RYR2: variants seen among roughly 807,000 people sequenced by gnomAD.
RYR2 encodes the protein ryanodine receptor 2, also known as cardiac muscle ryanodine receptor-calcium release channel.
In RYR2, 227 loss-of-function variants were observed where a neutral mutation model predicts 601.1. The ratio of observed to expected loss-of-function variants is 0.38; its 90% confidence interval spans 0.34 to 0.42. The LOEUF is 0.42. Ranked by LOEUF, RYR2 falls within the 10% of genes least tolerant of loss-of-function variation. The pLI, the probability that RYR2 is intolerant of heterozygous loss-of-function variation, is 1.00. For synonymous variants in RYR2, 2,223 were observed against 2,175.1 expected, an observed-to-expected ratio of 1.02 and a Z score of -0.61; for missense variants, 4,646 against 6,156.5, an observed-to-expected ratio of 0.75 and a Z score of 8.21.
At chr1:237,300,582 T>C (rs773294726) in intron 2 of RYR2, among the ~76,000 whole-genome samples, 2 of 152,198 alleles carry the variant, frequency 1.3e-5, no homozygotes, top group Non-Finnish European at 2.9e-5. Context: ...TGATCCTGTA[T>C]ACTTGCTGAC....
chr1:237,258,072 G>C lies in RYR2; in HGVS notation c.49-12425G>C, dbSNP rs370993092. ...AATCCCAGCTACTCGAGAGGCTGAG[G>C]CAGGAGAATCCCTTGAACCCAGGAG... is the stretch of plus-strand genomic sequence containing the variant. On this transcript the variant is annotated intron_variant, in intron 1 of 104. Transcript: ENST00000366574. 2.4e-4 allele frequency among the ~76,000 whole-genome samples: 36 copies of C among 151,606 alleles called. No individual in the cohort carries two copies. The South Asian group carries it at 7.5e-3, about 32-fold the overall frequency.
intron 2 of RYR2, among the ~76,000 whole-genome samples, chr1:237,299,916 A>C (rs1693185302): frequency 6.6e-6 from 1 of 152,148 alleles, no homozygotes; most frequent in African/African-American, 2.4e-5. Context: ...TTTAGAAAAT[A>C]ATTTCCTTTG....
chr1:237,742,956 G>A (rs541564870), intron 80 of RYR2, among the ~76,000 whole-genome samples: 77 of 152,264 alleles, frequency 5.1e-4, no homozygotes, highest in African/African-American at 1.8e-3. Flanking sequence ...TAGCCCAAAG[G>A]AAAGTTAATA....
chr1:237,388,203 G>A lies in RYR2; in HGVS notation c.773+20G>A. On this transcript the variant is annotated intron_variant, in intron 10 of 104. Coordinates refer to ENST00000366574, the MANE Select transcript of RYR2 (RefSeq NM_001035.3). ...GCGGAGGTTAGTACCTGAGCTCATT[G>A]CATTGAGACTTGCACTCTTTTGCCT... 6.3e-7 allele frequency: 1 copy of A among 1,597,006 alleles called. No homozygotes were observed. Among genetic ancestry groups the A allele is most frequent in the Non-Finnish European group, 8.6e-7 (1 of 1,165,694 alleles).
intron 1 of RYR2, among the ~76,000 whole-genome samples, chr1:237,206,543 T>C (rs907417126): frequency 1.3e-5 from 2 of 152,232 alleles, no homozygotes; most frequent in African/African-American, 4.8e-5. Context: ...TCAAATTACA[T>C]CCCTATACAT....
chr1:237,074,695 C>T (rs1299745396), intron 1 of RYR2, among the ~76,000 whole-genome samples: 4 of 152,182 alleles, frequency 2.6e-5, no homozygotes, highest in Non-Finnish European at 5.9e-5. Context: ...CAAGATGGCC[C>T]TTTGGCTTAG....
chr1:237,096,683 T>C (rs1332819951), intron 1 of RYR2, among the ~76,000 whole-genome samples: 1 of 152,208 alleles, frequency 6.6e-6, no homozygotes. Context: ...AGAAAAAAAT[T>C]TGAAGATACT....
chr1:237,456,775 A>G (rs777142810), intron 16 of RYR2, 40 bp downstream of exon 16: 14 of 1,606,790 alleles, frequency 8.7e-6, no homozygotes, highest in Non-Finnish European at 1.2e-5. Flanking sequence ...AGAGTTATCT[A>G]TTTAAAATGT....
At chr1:237,058,036 G>A (rs1427510065) in intron 1 of RYR2, among the ~76,000 whole-genome samples, 1 of 152,206 alleles carries the variant, frequency 6.6e-6, no homozygotes, top group African/African-American at 2.4e-5. Flanking sequence ...GTTTGGTGAT[G>A]AAATAATCCA....
At position 237,435,861 on chromosome 1, in the gene RYR2, G is replaced by A. The variant is rs1238215108; in HGVS notation, c.1006-5458G>A. Among the ~76,000 whole-genome samples, 4 of 152,106 alleles carry A rather than the reference G, an allele frequency of 2.6e-5. 1 individual carries two copies. On this transcript the variant is annotated intron_variant, in intron 12 of 104. Coordinates refer to ENST00000366574, the MANE Select transcript of RYR2 (RefSeq NM_001035.3). ...CCAGTGGAGATATGTATATATTAAGGCATTTATTATATAGGTTTGCTTAAT... is the reference window on the plus strand; with the variant it reads ...CCAGTGGAGATATGTATATATTAAGACATTTATTATATAGGTTTGCTTAAT...
At chr1:237,382,537 C>A (rs1295258835) in intron 8 of RYR2, among the ~76,000 whole-genome samples, 2 of 132,042 alleles carry the variant, frequency 1.5e-5, no homozygotes, top group African/African-American at 5.6e-5. Context: ...TCCCCCCACC[C>A]CACAACAGGC....
chr1:237,519,622 A>G (rs1308466541), intron 24 of RYR2, among the ~76,000 whole-genome samples: 2 of 152,070 alleles, frequency 1.3e-5, no homozygotes, highest in Non-Finnish European at 2.9e-5. Flanking sequence ...TGGGTTCTCT[A>G]TTCTGTTCCA....
At chr1:237,227,737 C>T (rs914963441) in intron 1 of RYR2, among the ~76,000 whole-genome samples, 5 of 152,240 alleles carry the variant, frequency 3.3e-5, no homozygotes, top group Admixed American at 1.3e-4. Context: ...CTGCCCAGGG[C>T]GGGTTCTTGC....
At chr1:237,230,996 G>A (rs1478280945) in intron 1 of RYR2, among the ~76,000 whole-genome samples, 1 of 149,538 alleles carries the variant, frequency 6.7e-6, no homozygotes, top group African/African-American at 2.5e-5. Flanking sequence ...GCTTTTTCCT[G>A]TGCACAAGTT....
At chr1:237,444,670 G>A (rs758760313) in intron 13 of RYR2, among the ~76,000 whole-genome samples, 22 of 152,246 alleles carry the variant, frequency 1.4e-4, no homozygotes, top group Middle Eastern at 3.4e-3. Context: ...TTGAGATACC[G>A]TAATGTTTTC....
chr1:237,358,200 A>G (rs1333415535), intron 4 of RYR2, among the ~76,000 whole-genome samples: 1 of 152,172 alleles, frequency 6.6e-6, no homozygotes, highest in Non-Finnish European at 1.5e-5. Context: ...GAAATACCCC[A>G]CAGACATTTC....
intron 87 of RYR2, among the ~76,000 whole-genome samples, chr1:237,774,814 G>A (rs1163608991): frequency 6.6e-6 from 1 of 152,012 alleles, no homozygotes; most frequent in Non-Finnish European, 1.5e-5. Context: ...GCAAGCCACT[G>A]GATTTTCCAG....
intron 87 of RYR2, among the ~76,000 whole-genome samples, chr1:237,774,216 G>GTCA (rs1395412348): frequency 6.6e-6 from 1 of 151,966 alleles, no homozygotes; most frequent in Non-Finnish European, 1.5e-5. Context: ...TTGATGACCA[G>GTCA]TCATCTTTCC....
intron 29 of RYR2, among the ~76,000 whole-genome samples, chr1:237,585,392 T>C (rs1290015382): frequency 6.6e-6 from 1 of 152,212 alleles, no homozygotes; most frequent in East Asian, 1.9e-4. Flanking sequence ...AAACATTAAC[T>C]ACTAATATGG....
Sources: gnomAD v4.1 joint callset for allele counts (sites outside exome capture counted in the v4.1 genomes callset) on GRCh38, gnomAD v4.1.1 for gene constraint, MANE v1.5 for transcripts, NCBI Gene and HGNC (gene_info 2026-07-23, HGNC 2026-07-21) for gene names.